The following PRRG1 variants were observed in gnomAD, a reference collection of about 807,000 sequenced individuals.
PRRG1 encodes the protein proline rich and Gla domain 1.
A neutral mutation model predicts 11.8 loss-of-function variants in PRRG1; 5 were observed. The ratio of observed to expected loss-of-function variants is 0.42; its 90% CI spans 0.22 to 0.89. The LOEUF is 0.89. PRRG1 is among the 40% of genes least tolerant of loss of function. The pLI, the probability that PRRG1 is intolerant of heterozygous loss-of-function variation, is 0.28. For missense variants in PRRG1, 155 were observed against 166.1 expected, an observed-to-expected ratio of 0.93 and a Z score of 0.37; for synonymous variants, 66 against 60.4, an observed-to-expected ratio of 1.09 and a Z score of -0.43.
intron 2 of PRRG1, among the ~76,000 whole-genome samples, chrX:37,409,636 G>A (rs1227618840): frequency 8.9e-6 from 1 of 112,154 alleles, no homozygotes; most frequent in African/African-American, 3.2e-5. Context: ...TGCTTAGTTT[G>A]CCTGATTACA....
intron 1 of PRRG1, among the ~76,000 whole-genome samples, chrX:37,401,066 C>A (rs1422184509): frequency 4.1e-4 from 45 of 110,691 alleles, no homozygotes; most frequent in African/African-American, 1.5e-3. Flanking sequence ...CAAGGAGGAA[C>A]TGGTACCATT....
intron 1 of PRRG1, among the ~76,000 whole-genome samples, chrX:37,377,925 C>T (rs1247848708): frequency 9.0e-6 from 1 of 111,536 alleles, no homozygotes; most frequent in Non-Finnish European, 1.9e-5. Flanking sequence ...ACTCTAGTGA[C>T]CTGTAACTAC....
chrX:37,403,674 AAAATG>A lies in PRRG1; in HGVS notation c.-41-2532_-41-2528del, dbSNP rs1172333389. 5 of 522,573 alleles carry A rather than the reference AAAATG, an allele frequency of 9.6e-6. No homozygotes were observed. In the Admixed American group the frequency reaches 2.8e-4, roughly 29 times the overall value. The allele number at this position is 522,573 out of a possible 1,213,427, so 43.1% of individuals were successfully genotyped here. A position where few individuals can be genotyped will look rare whatever the true frequency, so the allele number is the denominator to read the frequency against. On this transcript the variant is annotated intron_variant, in intron 1 of 3. Transcript: ENST00000378628. ...AAAATAAAATAAAATAAAATAAAAT[AAAATG>A]AATCTTAACACACACACACAGACAA...
At chrX:37,414,821 G>A (rs782458036) in intron 2 of PRRG1, among the ~76,000 whole-genome samples, 6 of 112,430 alleles carry the variant, frequency 5.3e-5, no homozygotes, top group Non-Finnish European at 1.1e-4. Context: ...AGGAAAGAAA[G>A]TGATAGAGGA....
chrX:37,389,458 A>G (rs1556376053), intron 1 of PRRG1, among the ~76,000 whole-genome samples: 1 of 111,636 alleles, frequency 9.0e-6, no homozygotes, highest in Non-Finnish European at 1.9e-5. Context: ...AGGAAGCATA[A>G]TGCTGGCATC....
chrX:37,397,984 A>ACG (rs1438984192), intron 1 of PRRG1, among the ~76,000 whole-genome samples: 2 of 94,082 alleles, frequency 2.1e-5, no homozygotes, highest in African/African-American at 9.9e-5. Context: ...ACTAACACAC[A>ACG]CACACACACA....
intron 1 of PRRG1, among the ~76,000 whole-genome samples, chrX:37,367,638 A>G (rs1366273161): frequency 1.8e-5 from 2 of 111,754 alleles, no homozygotes; most frequent in African/African-American, 6.5e-5. Context: ...TGCTTGTCAA[A>G]ATTGCTTTGT....
At chrX:37,380,008 C>T (rs1414349406) in intron 1 of PRRG1, among the ~76,000 whole-genome samples, 1 of 111,304 alleles carries the variant, frequency 9.0e-6, no homozygotes, top group Non-Finnish European at 1.9e-5. Flanking sequence ...GTGATTACAT[C>T]CTCCTGGGCT....
chrX:37,395,127 G>C (rs1931671774), intron 1 of PRRG1, among the ~76,000 whole-genome samples: 2 of 111,841 alleles, frequency 1.8e-5, no homozygotes, highest in Admixed American at 1.9e-4. Context: ...CCCCATTATG[G>C]TTGAAGAAAC....
At chrX:37,406,167 C>T in intron 1 of PRRG1, 42 bp from the exon 2 acceptor site, 2 of 1,170,722 alleles carry the variant, frequency 1.7e-6, no homozygotes, top group Middle Eastern at 2.4e-4. Context: ...GCCACTCAGC[C>T]TCTATCAATC....
chrX:37,421,179 G>C (rs1423837158), intron 2 of PRRG1, among the ~76,000 whole-genome samples: 1 of 111,847 alleles, frequency 8.9e-6, no homozygotes. Flanking sequence ...TTATGAAAAA[G>C]TGGTTACATT....
At chrX:37,446,702 G>A (rs1358125681) in intron 3 of PRRG1, among the ~76,000 whole-genome samples, 1 of 111,490 alleles carries the variant, frequency 9.0e-6, no homozygotes, top group Admixed American at 9.6e-5. Context: ...CAGTTCTGCA[G>A]GCTGGGAAGT....
At chrX:37,364,833 C>A (rs1356739624) in intron 1 of PRRG1, among the ~76,000 whole-genome samples, 8 of 111,321 alleles carry the variant, frequency 7.2e-5, no homozygotes, top group African/African-American at 2.6e-4. Context: ...TCTTTTTTTC[C>A]ATCATCACAC....
intron 2 of PRRG1, among the ~76,000 whole-genome samples, chrX:37,415,928 C>T (rs1396570857): frequency 1.8e-5 from 2 of 111,558 alleles, no homozygotes; most frequent in African/African-American, 6.5e-5. Flanking sequence ...AACATGAGGC[C>T]TTTCAGGAAT....
intron 2 of PRRG1, among the ~76,000 whole-genome samples, chrX:37,421,689 C>G (rs1556387104): frequency 1.8e-5 from 2 of 111,949 alleles, no homozygotes; most frequent in Non-Finnish European, 3.8e-5. Context: ...ATTTTAGGGG[C>G]ACATGTTCTC....
chrX:37,395,913 T>G (rs1322546494), intron 1 of PRRG1, among the ~76,000 whole-genome samples: 1 of 111,882 alleles, frequency 8.9e-6, no homozygotes, highest in Non-Finnish European at 1.9e-5. Flanking sequence ...CAACTGTATA[T>G]TATACAGTGG....
intron 1 of PRRG1, among the ~76,000 whole-genome samples, chrX:37,398,979 T>C (rs1183917567): frequency 9.0e-6 from 1 of 111,615 alleles, no homozygotes; most frequent in African/African-American, 3.3e-5. Flanking sequence ...TATGGGACTA[T>C]GTGAAAAGAC....
At chrX:37,402,024 T>C in intron 1 of PRRG1, among the ~76,000 whole-genome samples, 1 of 111,545 alleles carries the variant, frequency 9.0e-6, no homozygotes, top group South Asian at 3.8e-4. Flanking sequence ...CGCTCATGGG[T>C]AGGAAGAATC....
chrX:37,426,314 T>TA (rs782614151), intron 3 of PRRG1, among the ~76,000 whole-genome samples: 1 of 112,158 alleles, frequency 8.9e-6, no homozygotes, highest in Admixed American at 9.5e-5. Flanking sequence ...TCACTTTGCC[T>TA]AATTACAGAG....
Sources: gnomAD v4.1 joint callset for allele counts (sites outside exome capture counted in the v4.1 genomes callset) on GRCh38, gnomAD v4.1.1 for gene constraint, MANE v1.5 for transcripts, NCBI Gene and HGNC (gene_info 2026-07-23, HGNC 2026-07-21) for gene names.